The following BARX2 variants were observed in gnomAD, a reference collection of about 807,000 sequenced individuals.
BARX2 encodes the protein BARX homeobox 2.
In BARX2, 11 loss-of-function variants were observed where a neutral mutation model predicts 25.5. The observed-to-expected ratio is 0.43, with a 90% CI of 0.27 to 0.71. The LOEUF (loss-of-function observed/expected upper bound fraction) is 0.71, where lower values mean the gene tolerates loss of function less well. Ranked by LOEUF, BARX2 falls within the 30% of genes least tolerant of loss-of-function variation. The pLI, the probability that BARX2 is intolerant of heterozygous loss-of-function variation, is 0.19. For missense variants in BARX2, 360 were observed against 359.9 expected (o/e 1.00, Z 0.00); for synonymous variants, 137 against 149.5 (o/e 0.92, Z 0.61).
chr11:129,417,125 A>T (rs565795509), intron 1 of BARX2, among the ~76,000 whole-genome samples: 60 of 151,096 alleles, frequency 4.0e-4, no homozygotes, highest in African/African-American at 1.2e-3. Context: ...ATGGTCTCGA[A>T]CTCCTGACCT....
At chr11:129,429,978 C>T (rs945711473) in intron 1 of BARX2, among the ~76,000 whole-genome samples, 6 of 152,188 alleles carry the variant, frequency 3.9e-5, no homozygotes, top group Admixed American at 6.5e-5. Context: ...CTCTGGTCTT[C>T]GTGGTTTTCT....
intron 1 of BARX2, among the ~76,000 whole-genome samples, chr11:129,378,390 A>G (rs1861525841): frequency 6.6e-6 from 1 of 152,292 alleles, no homozygotes; most frequent in South Asian, 2.1e-4. Context: ...GTGTCTTCTC[A>G]GGGGTTTTGC....
Position 129,452,052 on chromosome 11 carries a change from T to C in BARX2, c.*650T>C. The C allele has an allele frequency of 6.6e-6, 1 of 151,948 alleles. No homozygotes were observed. Among genetic ancestry groups the C allele is most frequent in the African/African-American group, 2.4e-5 (1 of 41,402 alleles). The allele number at this position is 151,948 out of a possible 1,614,324, so 9.4% of individuals were successfully genotyped here. ...TTGGTTTTTTTTTTGTTTTGTTTTGTTTTTTGCTTCATTTACCCATTCATG... is the reference window on the plus strand; with the variant it reads ...TTGGTTTTTTTTTTGTTTTGTTTTGCTTTTTGCTTCATTTACCCATTCATG... On this transcript the variant is annotated 3_prime_UTR_variant, in exon 4 of 4. Coordinates refer to ENST00000281437, the MANE Select transcript of BARX2 (RefSeq NM_003658.5).
chr11:129,402,778 A>ACTG (rs2135393927), intron 1 of BARX2, among the ~76,000 whole-genome samples: 1 of 152,328 alleles, frequency 6.6e-6, no homozygotes, highest in East Asian at 1.9e-4. Flanking sequence ...TCAGTCAACA[A>ACTG]CTGCTACTTG....
chr11:129,395,638 A>G (rs1237287070), intron 1 of BARX2, among the ~76,000 whole-genome samples: 1 of 152,188 alleles, frequency 6.6e-6, no homozygotes, highest in Admixed American at 6.5e-5. Context: ...GCCATGGTTC[A>G]GCATGGAAGA....
At chr11:129,445,956 T>C (rs1292486575) in intron 3 of BARX2, among the ~76,000 whole-genome samples, 1 of 152,190 alleles carries the variant, frequency 6.6e-6, no homozygotes, top group Non-Finnish European at 1.5e-5. Context: ...GCTAGTAACC[T>C]AATTGGAACT....
At chr11:129,439,639 C>A (rs568891837) in intron 2 of BARX2, among the ~76,000 whole-genome samples, 149 of 152,270 alleles carry the variant, frequency 9.8e-4, no homozygotes, top group African/African-American at 3.5e-3. Flanking sequence ...ACAGAGTAGA[C>A]TTAGGTGGGG....
intron 1 of BARX2, among the ~76,000 whole-genome samples, chr11:129,402,767 C>T (rs1370600832): frequency 6.6e-6 from 1 of 152,220 alleles, no homozygotes; most frequent in African/African-American, 2.4e-5. Context: ...GAATTAATCA[C>T]TCAGTCAACA....
At chr11:129,426,414 C>T (rs1862063576) in intron 1 of BARX2, among the ~76,000 whole-genome samples, 1 of 151,988 alleles carries the variant, frequency 6.6e-6, no homozygotes, top group African/African-American at 2.4e-5. Context: ...ACTCTGTTGC[C>T]CAGGCTGGAG....
At chr11:129,415,795 G>C (rs1565515908) in intron 1 of BARX2, among the ~76,000 whole-genome samples, 1 of 152,234 alleles carries the variant, frequency 6.6e-6, no homozygotes, top group South Asian at 2.1e-4. Context: ...CTGAAGAAAA[G>C]GTGCCAACAT....
intron 1 of BARX2, among the ~76,000 whole-genome samples, chr11:129,394,137 G>C (rs1861694315): frequency 6.6e-6 from 1 of 152,060 alleles, no homozygotes; most frequent in Non-Finnish European, 1.5e-5. Flanking sequence ...ACTTTATATA[G>C]ATGGAATCAC....
chr11:129,376,050 C>A lies in BARX2; in HGVS notation c.15C>A (p.Ala5=). ...GCCGGCTCACCATGCACTGCCACGC[C>A]GAGCTGAGGCTGAGCTCGCCCGGCC... MHCH[A]ELRLSSPGQL... is the part of the protein sequence containing the mutation. The change falls in exon 1 of 4, where the codon GCC becomes GCA. Residue 5 remains alanine (A), a synonymous_variant. Transcript: ENST00000281437. The surrounding 1 kb of genome is among the most constrained non-coding windows in gnomAD (Gnocchi z 4.2). 2 of 1,591,100 alleles carry A rather than the reference C, an allele frequency of 1.3e-6. No homozygotes were observed. The highest frequency in any genetic ancestry group is 1.7e-6 in the Non-Finnish European group (2 of 1,170,942).
At position 129,421,535 on chromosome 11, in the gene BARX2, G is replaced by C. The variant is rs150500172; in HGVS notation, c.188-15216G>C. Among the ~76,000 whole-genome samples the C allele has an allele frequency of 8.8e-4, 134 of 152,292 alleles. 1 individual carries two copies. The East Asian group carries it at 0.021, about 24-fold the overall frequency. ...TTAGAAATGAATAGAATACCAAAAA[G>C]AGAAAATCAATGGGATTCCATAGAA... is the stretch of plus-strand genomic sequence containing the variant. On this transcript the variant is annotated intron_variant, in intron 1 of 3. Transcript: ENST00000281437.
In BARX2 at chr11:129,402,016, TG is replaced by T. The variant is rs1285117909; in HGVS notation, c.187+25796del. Among the ~76,000 whole-genome samples the T allele has an allele frequency of 7.2e-5, 9 of 124,884 alleles. No homozygotes were observed. The East Asian group carries it at 2.4e-3, about 34-fold the overall frequency. The allele number at this position is 124,884 out of a possible 152,430, so 81.9% of individuals were successfully genotyped here. A position where few individuals can be genotyped will look rare whatever the true frequency, so the allele number is the denominator to read the frequency against. ...AACTTCCAGAACATGTGGTTGACAG[TG>T]GTTTTTTTTTTTTTCAGATAAAATA... On this transcript the variant is annotated intron_variant, in intron 1 of 3. Transcript: ENST00000281437.
chr11:129,399,716 C>T (rs185573278), intron 1 of BARX2, among the ~76,000 whole-genome samples: 6 of 152,276 alleles, frequency 3.9e-5, no homozygotes, highest in African/African-American at 1.4e-4. Context: ...TCTACAGTCA[C>T]TTATACCCCC....
At chr11:129,448,113 T>A (rs1565524986) in intron 3 of BARX2, among the ~76,000 whole-genome samples, 1 of 152,196 alleles carries the variant, frequency 6.6e-6, no homozygotes, top group Non-Finnish European at 1.5e-5. Context: ...ACTGAGAACT[T>A]CTTGGTTTTC....
intron 1 of BARX2, among the ~76,000 whole-genome samples, chr11:129,433,813 T>A (rs138751082): frequency 1.2e-4 from 19 of 152,354 alleles, no homozygotes; most frequent in African/African-American, 4.6e-4. Context: ...CATCATAGTT[T>A]ATCACTACCT....
chr11:129,440,136 C>T (rs903530605), intron 2 of BARX2, among the ~76,000 whole-genome samples: 1 of 152,184 alleles, frequency 6.6e-6, no homozygotes, highest in African/African-American at 2.4e-5. Flanking sequence ...TCACCCTCCT[C>T]CTCTGTGTTT....
intron 2 of BARX2, among the ~76,000 whole-genome samples, chr11:129,439,964 T>C (rs1862237519): frequency 6.6e-6 from 1 of 152,186 alleles, no homozygotes; most frequent in South Asian, 2.1e-4. Flanking sequence ...GGCTCCCTGA[T>C]ACCTGCCCAG....
Sources: allele counts gnomAD v4.1 joint callset (sites outside exome capture counted in the v4.1 genomes callset), GRCh38; gene constraint gnomAD v4.1.1; non-coding constraint Gnocchi (gnomAD v3.1); transcripts MANE v1.5; gene names NCBI Gene and HGNC (gene_info 2026-07-23, HGNC 2026-07-21).